The following WDR97 variants were observed in gnomAD, a reference collection of about 807,000 sequenced individuals.
WDR97 encodes WD repeat-containing protein 97.
A neutral mutation model predicts 65.4 loss-of-function variants in WDR97; 111 were observed. The observed-to-expected ratio is 1.70, with a 90% confidence interval of 1.45 to 1.99. WDR97 has a LOEUF of 1.99. Among genes scored for constraint, WDR97 ranks in the 30% most tolerant of loss-of-function variants. The probability of loss-of-function intolerance (pLI) is 0.00; values close to 1 mark genes in which losing one functional copy is unlikely to be tolerated. For synonymous variants in WDR97, 802 were observed against 397.7 expected (o/e 2.02, Z -12.10); for missense variants, 1,674 against 865.0 (o/e 1.94, Z -11.73).
At position 144,108,831 on chromosome 8, in the gene WDR97, G is replaced by A. The variant is rs1171951106; in HGVS notation, c.765G>A (p.Ala255=). The part of the protein sequence containing the change: ...PTGRLMRLAV[A]PVPPHHVLRC... ...GCAGGCTCATGCGTCTGGCTGTGGC[G>A]CCGGTTCCTCCCCACCACGTCCTGC... Residue 255 remains alanine (A), a synonymous_variant, in exon 3 of 24, where the codon GCG becomes GCA. Coordinates refer to ENST00000323662, the MANE Select transcript of WDR97 (RefSeq NM_001316309.2). The A allele has an allele frequency of 5.7e-6, 4 of 702,710 alleles. No homozygotes were observed. The East Asian group carries it at 8.0e-5, about 14-fold the overall frequency. The allele number at this position is 702,710 out of a possible 1,614,324, so 43.5% of individuals were successfully genotyped here.
In WDR97 at chr8:144,111,732, A is replaced by G. The variant is rs559816780; in HGVS notation, c.2588A>G (p.Gln863Arg). Reference protein sequence around the residue: ...AQPPPSWQQRQEGFDNYLRLI... With the variant: ...AQPPPSWQQRREGFDNYLRLI... ...CCCCCACCCTCCTGGCAGCAGCGCC[A>G]GGAAGGCTTTGACAATTACCTCCGT... Residue 863 changes from glutamine to arginine, a missense_variant, in exon 12 of 24, where the codon CAG becomes CGG. Coordinates refer to ENST00000323662, the MANE Select transcript of WDR97 (RefSeq NM_001316309.2). 42 of 694,854 alleles carry G rather than the reference A, an allele frequency of 6.0e-5. No individual in the cohort carries two copies. Among genetic ancestry groups the G allele is most frequent in the Non-Finnish European group, 8.2e-5 (31 of 380,110 alleles). The allele number at this position is 694,854 out of a possible 1,614,324, so 43.0% of individuals were successfully genotyped here.
In WDR97 at chr8:144,114,325, G is replaced by A; in HGVS notation, c.3642G>A (p.Val1214=). ...GTIEGLASLL[V]ALLEKTTWVD... ...TCGAGGGCCTGGCCTCGCTGTTGGT[G>A]GCCCTGCTGGAGAAGACCACGTGGG... Residue 1214 remains valine (V), a synonymous_variant, in exon 19 of 24, where the codon GTG becomes GTA. Coordinates refer to ENST00000323662, the MANE Select transcript of WDR97 (RefSeq NM_001316309.2). 1.4e-6 allele frequency: 1 copy of A among 702,670 alleles called. No homozygotes were observed. Among genetic ancestry groups the A allele is most frequent in the Middle Eastern group, 2.3e-4 (1 of 4,370 alleles). 43.5% of individuals were successfully genotyped at this position (702,670 alleles called of 1,614,324 possible). A position where few individuals can be genotyped will look rare whatever the true frequency, so the allele number is the denominator to read the frequency against.
chr8:144,113,522 G>A lies in WDR97; in HGVS notation c.3183+5G>A. 1.4e-6 allele frequency: 1 copy of A among 693,832 alleles called. No individual in the cohort carries two copies. The highest frequency in any genetic ancestry group is 2.6e-6 in the Non-Finnish European group (1 of 377,802). The allele number at this position is 693,832 out of a possible 1,614,324, so 43.0% of individuals were successfully genotyped here. On this transcript the variant is annotated splice_donor_5th_base_variant and intron_variant, in intron 16 of 23. Coordinates refer to ENST00000323662, the MANE Select transcript of WDR97 (RefSeq NM_001316309.2). ...CAGATGTGGCTAAATGCGGAGGTCA[G>A]CAGCCTCGGATCCCCGACTCAGCTC...
Position 144,111,178 on chromosome 8 carries a change from C to G in WDR97, c.2382C>G (p.Ala794=), listed in dbSNP as rs757204544. 1.7e-5 allele frequency: 12 copies of G among 702,794 alleles called. No homozygotes were observed. The South Asian group carries it at 1.8e-4, about 10-fold the overall frequency. The allele number at this position is 702,794 out of a possible 1,614,324, so 43.5% of individuals were successfully genotyped here. ...TGAGCCAGGAGTCACTGACTTCCGC[C>G]CAACTGCAGAGGCTCACCAACCTCC... The part of the protein sequence containing the change: ...PLMSQESLTS[A]QLQRLTNLHG... The change falls in exon 10 of 24, where the codon GCC becomes GCG. Residue 794 remains alanine, a synonymous_variant. Coordinates refer to ENST00000323662, the MANE Select transcript of WDR97 (RefSeq NM_001316309.2).
intron 2 of WDR97, 45 bp from the exon 3 acceptor site, chr8:144,108,271 G>C: frequency 2.9e-6 from 2 of 694,288 alleles, no homozygotes; most frequent in Admixed American, 2.1e-5. Context: ...CTAGGCCGGA[G>C]TAGCCCCAAC....
In WDR97 at chr8:144,110,223, A is replaced by G. The variant is rs1030083903; in HGVS notation, c.1810A>G (p.Ile604Val). Residue 604 changes from isoleucine to valine, a missense_variant, in exon 6 of 24, where the codon ATC (isoleucine) becomes GTC (valine). Physicochemically the swap from Ile to Val is conservative, Grantham distance 29. Transcript: ENST00000323662. ...GCACAGCCCGGGCCCGGTTGTCGCCATCGCATCCACCTGGAACAGCATTGT... is the reference window on the plus strand; with the variant it reads ...GCACAGCCCGGGCCCGGTTGTCGCCGTCGCATCCACCTGGAACAGCATTGT... ...EAHSPGPVVA[I>V]ASTWNSIVSS... 1 of 702,778 alleles carries G rather than the reference A, an allele frequency of 1.4e-6. No homozygotes were observed. The highest frequency in any genetic ancestry group is 1.7e-5 in the African/African-American group (1 of 57,248). The allele number at this position is 702,778 out of a possible 1,614,324, so 43.5% of individuals were successfully genotyped here. A position where few individuals can be genotyped will look rare whatever the true frequency, so the allele number is the denominator to read the frequency against.
Position 144,111,647 on chromosome 8 carries a change from G to A in WDR97, c.2503G>A (p.Val835Met). The change falls in exon 12 of 24, where the codon GTG (valine) becomes ATG (methionine). Residue 835 changes from valine to methionine, a missense_variant. Transcript: ENST00000323662. ...CCTGACTCAGGACTTGGACGCCATA[G>A]TGGCCCGGGACCGAGACCTTCAGCA... ...LVPKEDLDAI[V>M]ARDRDLQQLR... 1 of 693,098 alleles carries A rather than the reference G, an allele frequency of 1.4e-6. No homozygotes were observed. The highest frequency in any genetic ancestry group is 2.6e-6 in the Non-Finnish European group (1 of 379,316). 42.9% of individuals were successfully genotyped at this position (693,098 alleles called of 1,614,324 possible). A position where few individuals can be genotyped will look rare whatever the true frequency, so the allele number is the denominator to read the frequency against.
chr8:144,110,963 C>T lies in WDR97; in HGVS notation c.2271C>T (p.His757=), dbSNP rs770882178. The change falls in exon 9 of 24, where the codon CAC becomes CAT. Residue 757 remains histidine (H), a synonymous_variant. Coordinates refer to ENST00000323662, the MANE Select transcript of WDR97 (RefSeq NM_001316309.2). ...ALGSRLCLVS[H]RLYLPTSYLV... ...GATCCCGCCTCTGCCTGGTGTCCCA[C>T]AGGCTCTACCTGCCTACATCCTACC... 4.8e-5 allele frequency: 34 copies of T among 702,844 alleles called. No homozygotes were observed. The highest frequency in any genetic ancestry group is 2.5e-4 in the South Asian group (17 of 67,602). 43.5% of individuals were successfully genotyped at this position (702,844 alleles called of 1,614,324 possible).
rs1391556476 is a variant in WDR97 at position 144,112,301 on chromosome 8, G to A, written c.2973G>A (p.Gly991=). Residue 991 remains glycine (G), a synonymous_variant, in exon 14 of 24, where the codon GGG becomes GGA. Transcript: ENST00000323662. ...DLQLQLEQLR[G]RTTMALDLPS... is the part of the protein sequence containing the mutation. Reference sequence around the variant, plus strand: ...AGCTGCAGTTGGAGCAGCTCCGAGGGAGGACGACCATGGCCCTGGACCTGC... The same window carrying A: ...AGCTGCAGTTGGAGCAGCTCCGAGGAAGGACGACCATGGCCCTGGACCTGC... 2.8e-6 allele frequency: 2 copies of A among 702,778 alleles called. No homozygotes were observed. Among genetic ancestry groups the A allele is most frequent in the Non-Finnish European group, 2.6e-6 (1 of 384,956 alleles). 43.5% of individuals were successfully genotyped at this position (702,778 alleles called of 1,614,324 possible).
In WDR97 at chr8:144,115,993, G is replaced by T. The variant is rs958882390; in HGVS notation, c.4646G>T (p.Arg1549Met). ...GAGGCCAAGCCGCAGAGGTCCGCGA[G>T]GTCCGCGATGAGACTGAGGGGTGAG... is the stretch of plus-strand genomic sequence containing the variant. ...LQEAKPQRSA[R>M]SAMRLRGPMR... Residue 1549 changes from arginine to methionine, a missense_variant, in exon 23 of 24, where the codon AGG (arginine) becomes ATG (methionine). By Grantham distance (91) the Arg-to-Met change is moderately conservative. Transcript: ENST00000323662. 9.3e-5 allele frequency: 65 copies of T among 700,448 alleles called. No homozygotes were observed. The highest frequency in any genetic ancestry group is 1.6e-4 in the Non-Finnish European group (60 of 384,436). 43.4% of individuals were successfully genotyped at this position (700,448 alleles called of 1,614,324 possible). A position where few individuals can be genotyped will look rare whatever the true frequency, so the allele number is the denominator to read the frequency against.
In WDR97 at chr8:144,108,757, C is replaced by A; in HGVS notation, c.691C>A (p.Arg231Ser). Residue 231 changes from arginine to serine, a missense_variant, in exon 3 of 24, where the codon CGC (arginine) becomes AGC (serine). Physicochemically the swap from Arg to Ser is moderately radical, Grantham distance 110. Transcript: ENST00000323662. Reference protein sequence around the residue: ...ALWQFRSGGRRLVLRGSALHP... With the variant: ...ALWQFRSGGRSLVLRGSALHP... ...CTGGCAGTTCCGTTCAGGTGGTCGC[C>A]GCCTGGTGCTGCGAGGGTCAGCACT... is the stretch of plus-strand genomic sequence containing the variant. 1 of 701,498 alleles carries A rather than the reference C, an allele frequency of 1.4e-6. No individual in the cohort carries two copies. The highest frequency in any genetic ancestry group is 1.5e-5 in the South Asian group (1 of 67,530). 43.5% of individuals were successfully genotyped at this position (701,498 alleles called of 1,614,324 possible). A position where few individuals can be genotyped will look rare whatever the true frequency, so the allele number is the denominator to read the frequency against.
chr8:144,111,452 G>A lies in WDR97; in HGVS notation c.2453G>A (p.Arg818Gln), dbSNP rs752990959. 2.7e-5 allele frequency: 19 copies of A among 702,646 alleles called. No individual in the cohort carries two copies. The highest frequency in any genetic ancestry group is 6.0e-5 in the Admixed American group (3 of 49,998). 43.5% of individuals were successfully genotyped at this position (702,646 alleles called of 1,614,324 possible). A position where few individuals can be genotyped will look rare whatever the true frequency, so the allele number is the denominator to read the frequency against. ...GAGGCCTTGTCTCTCATCCATCGTC[G>A]GAGGGCAACATCTCAGCACCTGGTG... ...LSEALSLIHR[R>Q]RATSQHLVPK... is the part of the protein sequence containing the mutation. The change falls in exon 11 of 24, where the codon CGG becomes CAG. Residue 818 changes from arginine (R) to glutamine (Q), a missense_variant. Arg to Gln is a conservative substitution (Grantham distance 43). Transcript: ENST00000323662.
At chr8:144,111,047 G>A (rs780031460) in intron 9 of WDR97, 51 bp downstream of exon 9, 6 of 702,380 alleles carry the variant, frequency 8.5e-6, no homozygotes, top group South Asian at 3.0e-5. Flanking sequence ...GCTCACCTTG[G>A]GGGGCAGACC....
intron 15 of WDR97, 196 bp from the exon 16 acceptor site, chr8:144,113,244 T>C (rs1237396781): frequency 6.7e-6 from 4 of 597,210 alleles, no homozygotes; most frequent in Non-Finnish European, 1.2e-5. Flanking sequence ...ACTGAGGGCC[T>C]CGCCCCTGGT....
chr8:144,108,952 G>A lies in WDR97; in HGVS notation c.878+8G>A. 1 of 703,032 alleles carries A rather than the reference G, an allele frequency of 1.4e-6. No homozygotes were observed. Among genetic ancestry groups the A allele is most frequent in the East Asian group, 2.7e-5 (1 of 37,292 alleles). The allele number at this position is 703,032 out of a possible 1,614,324, so 43.5% of individuals were successfully genotyped here. The stretch of plus-strand genomic sequence containing the variant: ...CCGGGATTTGCACAAAACGTGAGGG[G>A]GATCCCCCTAGGGAGGGCCAGGCAT... On this transcript the variant is annotated splice_region_variant and intron_variant, in intron 3 of 23. Transcript: ENST00000323662.
chr8:144,111,205 T>C lies in WDR97; in HGVS notation c.2409T>C (p.His803=). 1 of 702,680 alleles carries C rather than the reference T, an allele frequency of 1.4e-6. No individual in the cohort carries two copies. 43.5% of individuals were successfully genotyped at this position (702,680 alleles called of 1,614,324 possible). A position where few individuals can be genotyped will look rare whatever the true frequency, so the allele number is the denominator to read the frequency against. ...AACTGCAGAGGCTCACCAACCTCCA[T>C]GGGGCAGCCAGCCTCAGGTCCCATG... ...SAQLQRLTNL[H]GAASLSEALS... Residue 803 remains histidine (H), a synonymous_variant, in exon 10 of 24, where the codon CAT becomes CAC. Transcript: ENST00000323662.
chr8:144,113,276 C>A (rs1836583774), intron 15 of WDR97, 164 bp from the exon 16 acceptor site: 2 of 628,932 alleles, frequency 3.2e-6, no homozygotes, highest in Non-Finnish European at 5.7e-6. Context: ...CTCCTGCCAT[C>A]TGTGTTGAGA....
Position 144,116,967 on chromosome 8 carries a change from C to T in WDR97, c.*674C>T, listed in dbSNP as rs865956783. Reference sequence around the variant, plus strand: ...TGTGCACAGAGTTCTTGGGGCAGCTCTGGGGGGAATCCCCGGCTTTTACAC... The same window carrying T: ...TGTGCACAGAGTTCTTGGGGCAGCTTTGGGGGGAATCCCCGGCTTTTACAC... On this transcript the variant is annotated 3_prime_UTR_variant, in exon 24 of 24. Coordinates refer to ENST00000323662, the MANE Select transcript of WDR97 (RefSeq NM_001316309.2). 2 of 152,336 alleles carry T rather than the reference C, an allele frequency of 1.3e-5. No individual in the cohort carries two copies. The highest frequency in any genetic ancestry group is 2.9e-5 in the Non-Finnish European group (2 of 68,122). The allele number at this position is 152,336 out of a possible 1,614,324, so 9.4% of individuals were successfully genotyped here. A position where few individuals can be genotyped will look rare whatever the true frequency, so the allele number is the denominator to read the frequency against.
rs1776423409 is a variant in WDR97, at chr8:144,113,193, C to T, written c.3106-247C>T. The T allele has an allele frequency of 7.1e-6, 4 of 563,628 alleles. No homozygotes were observed. The South Asian group carries it at 9.6e-5, about 14-fold the overall frequency. The allele number at this position is 563,628 out of a possible 1,614,324, so 34.9% of individuals were successfully genotyped here. A position where few individuals can be genotyped will look rare whatever the true frequency, so the allele number is the denominator to read the frequency against. Reference sequence around the variant, plus strand: ...GTGTCAGGGCCCCTAGAAGCCAGCACTTCTCCAGGTTTCCCTTCTCGTTTG... The same window carrying T: ...GTGTCAGGGCCCCTAGAAGCCAGCATTTCTCCAGGTTTCCCTTCTCGTTTG... On this transcript the variant is annotated intron_variant, in intron 15 of 23. Coordinates refer to ENST00000323662, the MANE Select transcript of WDR97 (RefSeq NM_001316309.2).
Sources: gnomAD v4.1 joint callset for allele counts on GRCh38, gnomAD v4.1.1 for gene constraint, MANE v1.5 for transcripts, NCBI Gene and HGNC (gene_info 2026-07-23, HGNC 2026-07-21) for gene names.